The following GALNTL6 variants were observed in gnomAD, a reference collection of about 807,000 sequenced individuals.
The protein encoded by GALNTL6 is polypeptide N-acetylgalactosaminyltransferase-like 6.
Under a neutral mutation model 73.7 loss-of-function variants are expected in GALNTL6, and 46 were observed. The observed-to-expected ratio is 0.62, with a 90% CI of 0.49 to 0.80. The LOEUF (loss-of-function observed/expected upper bound fraction) is 0.80, where lower values mean the gene tolerates loss of function less well. Among genes scored for constraint, GALNTL6 ranks in the 30% least tolerant of loss-of-function variants. GALNTL6 has a pLI of 0.00. For synonymous variants in GALNTL6, 259 were observed against 263.7 expected (o/e 0.98, Z 0.17); for missense variants, 604 against 755.0 (o/e 0.80, Z 2.34).
chr4:171,919,179 TTC>T (rs1737712415), intron 2 of GALNTL6, among the ~76,000 whole-genome samples: 1 of 152,188 alleles, frequency 6.6e-6, no homozygotes, highest in Non-Finnish European at 1.5e-5. Flanking sequence ...GTCAGTCTTC[TTC>T]ATCTTCCTTA....
chr4:172,055,050 T>C (rs1172735154), intron 2 of GALNTL6, among the ~76,000 whole-genome samples: 1 of 152,152 alleles, frequency 6.6e-6, no homozygotes, highest in Admixed American at 6.6e-5. Flanking sequence ...ACTAAATGCA[T>C]GGAGACACAC....
chr4:172,751,011 G>A (rs1737391641), intron 5 of GALNTL6, among the ~76,000 whole-genome samples: 1 of 152,124 alleles, frequency 6.6e-6, no homozygotes, highest in South Asian at 2.1e-4. Context: ...GGGTTGTGAA[G>A]TGGTGAGTTG....
chr4:172,098,756 C>A (rs968985237), intron 2 of GALNTL6, among the ~76,000 whole-genome samples: 1 of 152,154 alleles, frequency 6.6e-6, no homozygotes, highest in African/African-American at 2.4e-5. Context: ...AGCAATTTTG[C>A]ACCCTGGGGA....
intron 2 of GALNTL6, among the ~76,000 whole-genome samples, chr4:171,843,806 G>A (rs968432507): frequency 1.3e-5 from 2 of 152,072 alleles, no homozygotes; most frequent in South Asian, 4.1e-4. Flanking sequence ...AAAGATGTCT[G>A]GTGGTTAACA....
At chr4:172,863,990 G>A (rs775936943) in intron 7 of GALNTL6, among the ~76,000 whole-genome samples, 5 of 152,074 alleles carry the variant, frequency 3.3e-5, no homozygotes, top group Admixed American at 6.5e-5. Context: ...GAGATCTGAT[G>A]GTTTTATAAA....
intron 5 of GALNTL6, among the ~76,000 whole-genome samples, chr4:172,425,559 T>C (rs1233360356): frequency 6.6e-6 from 1 of 152,076 alleles, no homozygotes; most frequent in Admixed American, 6.6e-5. Context: ...CCAAATTTTA[T>C]ATGTAATTTG....
chr4:172,919,353 C>T (rs925160497), intron 8 of GALNTL6, among the ~76,000 whole-genome samples: 11 of 152,160 alleles, frequency 7.2e-5, no homozygotes, highest in South Asian at 4.1e-4. Flanking sequence ...TTCCCTCTCA[C>T]GGACTCCCCT....
intron 9 of GALNTL6, among the ~76,000 whole-genome samples, chr4:172,939,615 GC>G (rs1377294769): frequency 2.6e-5 from 4 of 152,182 alleles, no homozygotes; most frequent in African/African-American, 9.7e-5. Context: ...CATATCCTAA[GC>G]AAATAGCATT....
chr4:172,074,185 T>C (rs1729005621), intron 2 of GALNTL6, among the ~76,000 whole-genome samples: 1 of 152,212 alleles, frequency 6.6e-6, no homozygotes, highest in African/African-American at 2.4e-5. Flanking sequence ...GACAACTAAT[T>C]GTAGATTACA....
In GALNTL6 at chr4:173,040,546, CTT is replaced by C. The variant is rs1753859762; in HGVS notation, c.*448_*449del. ...CCAAGCTTAAGGGGTGAGCTGTACT[CTT>C]TGGTGCCATTCTCTGACTAAGAATG... On this transcript the variant is annotated 3_prime_UTR_variant, in exon 13 of 13. Transcript: ENST00000506823. The C allele has an allele frequency of 6.4e-6, 1 of 155,998 alleles. No homozygotes were observed. The highest frequency in any genetic ancestry group is 2.4e-5 in the African/African-American group (1 of 41,486). 9.7% of individuals were successfully genotyped at this position (155,998 alleles called of 1,614,324 possible).
intron 5 of GALNTL6, among the ~76,000 whole-genome samples, chr4:172,697,342 A>G (rs1162857143): frequency 2.0e-5 from 3 of 152,204 alleles, no homozygotes; most frequent in Non-Finnish European, 2.9e-5. Flanking sequence ...ATCCTTAACT[A>G]AAACCAAACT....
At chr4:171,852,498 T>C (rs989468031) in intron 2 of GALNTL6, among the ~76,000 whole-genome samples, 3 of 145,362 alleles carry the variant, frequency 2.1e-5, no homozygotes, top group South Asian at 4.8e-4. Flanking sequence ...CATTTATCGC[T>C]GTCTAAATAT....
intron 5 of GALNTL6, among the ~76,000 whole-genome samples, chr4:172,547,900 T>C (rs1315433712): frequency 1.3e-5 from 2 of 152,126 alleles, no homozygotes; most frequent in East Asian, 3.9e-4. Flanking sequence ...GCTTCTGAAA[T>C]TGGTTTGATG....
At position 172,519,568 on chromosome 4, in the gene GALNTL6, A is replaced by G. The variant is rs17058584; in HGVS notation, c.553+170879A>G. The stretch of plus-strand genomic sequence containing the variant: ...GGGGAGGAGTAGGGCATAGTTGCCT[A>G]TGGATTGCATGGTTTCTTCCACTGA... On this transcript the variant is annotated intron_variant, in intron 5 of 12. Coordinates refer to ENST00000506823, the MANE Select transcript of GALNTL6 (RefSeq NM_001034845.3). Among the ~76,000 whole-genome samples the G allele has an allele frequency of 8.1e-3, 1,200 of 148,044 alleles. 9 individuals carry two copies. Among genetic ancestry groups the G allele is most frequent in the African/African-American group, 0.028 (1,139 of 40,156 alleles).
chr4:172,882,163 C>T (rs1188453382), intron 7 of GALNTL6, among the ~76,000 whole-genome samples: 1 of 151,974 alleles, frequency 6.6e-6, no homozygotes, highest in African/African-American at 2.4e-5. Context: ...ATTATTTAAT[C>T]AAAATTAATA....
intron 2 of GALNTL6, among the ~76,000 whole-genome samples, chr4:172,106,711 T>A (rs1006261919): frequency 2.0e-5 from 3 of 152,168 alleles, no homozygotes; most frequent in Admixed American, 2.0e-4. Flanking sequence ...CAGTTAAATA[T>A]ATTGTTGATC....
Position 172,292,037 on chromosome 4 carries a change from T to C in GALNTL6, c.248-19577T>C, listed in dbSNP as rs1301712960. On this transcript the variant is annotated intron_variant, in intron 3 of 12. Transcript: ENST00000506823. ...TCTGTTCAAGTTCAACACTCACTCA[T>C]ACATTCATTGTATAAATTAAAACCC... Among the ~76,000 whole-genome samples, 6 of 152,270 alleles carry C rather than the reference T, an allele frequency of 3.9e-5. No homozygotes were observed. In the East Asian group the frequency reaches 1.2e-3, roughly 29 times the overall value.
chr4:172,261,046 A>G (rs895943856), intron 3 of GALNTL6, among the ~76,000 whole-genome samples: 6 of 151,246 alleles, frequency 4.0e-5, no homozygotes, highest in Non-Finnish European at 8.9e-5. Flanking sequence ...TTCATCAAGG[A>G]TATTAGTCTG....
intron 2 of GALNTL6, among the ~76,000 whole-genome samples, chr4:171,935,639 T>G (rs925267975): frequency 1.3e-5 from 2 of 152,152 alleles, no homozygotes; most frequent in African/African-American, 4.8e-5. Context: ...CTAGCTAATT[T>G]TTTAAATTAT....
Sources: gnomAD v4.1 joint callset for allele counts (sites outside exome capture counted in the v4.1 genomes callset) on GRCh38, gnomAD v4.1.1 for gene constraint, MANE v1.5 for transcripts, NCBI Gene and HGNC (gene_info 2026-07-23, HGNC 2026-07-21) for gene names.